The following LYRM4 variants were observed in gnomAD, a reference collection of about 807,000 sequenced individuals.
LYRM4 encodes the protein LYR motif-containing protein 4.
In LYRM4, 9 loss-of-function variants were observed where a neutral mutation model predicts 11.7. The observed-to-expected ratio is 0.77, with a 90% CI of 0.46 to 1.34. The LOEUF (loss-of-function observed/expected upper bound fraction) is 1.34. LYRM4 is among the 40% of genes most tolerant of loss of function. The pLI, the probability that LYRM4 is intolerant of heterozygous loss-of-function variation, is 0.00. For missense variants in LYRM4, 133 were observed against 112.5 expected, an observed-to-expected ratio of 1.18 and a Z score of -0.82; for synonymous variants, 42 against 40.4, an observed-to-expected ratio of 1.04 and a Z score of -0.15.
At chr6:5,156,613 A>G (rs1758426983) in intron 2 of LYRM4, among the ~76,000 whole-genome samples, 1 of 152,212 alleles carries the variant, frequency 6.6e-6, no homozygotes, top group Non-Finnish European at 1.5e-5. Flanking sequence ...TGACCTGCGG[A>G]GGCTCCTTGC....
intron 2 of LYRM4, among the ~76,000 whole-genome samples, chr6:5,113,972 C>A (rs1763005433): frequency 6.6e-6 from 1 of 152,218 alleles, no homozygotes; most frequent in African/African-American, 2.4e-5. Context: ...TGCCCAGCAT[C>A]CATCTCTCCA....
At chr6:5,252,291 C>T (rs1399937068) in intron 1 of LYRM4, among the ~76,000 whole-genome samples, 2 of 152,162 alleles carry the variant, frequency 1.3e-5, no homozygotes, top group Non-Finnish European at 2.9e-5. Context: ...GGGAGCGAGG[C>T]GGCCTTCTAA....
intron 2 of LYRM4, among the ~76,000 whole-genome samples, chr6:5,144,662 C>T (rs574205725): frequency 1.6e-4 from 18 of 114,728 alleles, no homozygotes; most frequent in East Asian, 1.5e-3. Flanking sequence ...AAAAGAAATA[C>T]GTCAGGTGAA....
At chr6:5,092,830 C>T in the LYRM4 span, among the ~76,000 whole-genome samples, 1 of 152,176 alleles carries the variant, frequency 6.6e-6, no homozygotes, top group Non-Finnish European at 1.5e-5. Context: ...GCACAGACTT[C>T]AGGCATTTTT....
intron 1 of LYRM4, among the ~76,000 whole-genome samples, chr6:5,245,155 T>C (rs1379771573): frequency 1.2e-5 from 1 of 80,288 alleles, no homozygotes; most frequent in East Asian, 3.8e-4. Flanking sequence ...TATATATATA[T>C]ATATATATAA....
At chr6:5,042,174 A>C in the LYRM4 span, among the ~76,000 whole-genome samples, 1 of 152,214 alleles carries the variant, frequency 6.6e-6, no homozygotes, top group Non-Finnish European at 1.5e-5. Flanking sequence ...CTGTTTAAAC[A>C]GGAACTATTG....
chr6:5,107,494 G>C (rs1436493223), downstream of LYRM4: 1 of 152,292 alleles, frequency 6.6e-6, no homozygotes, highest in Non-Finnish European at 1.5e-5. Flanking sequence ...ATGCAAGGTG[G>C]AAAACCTGAG....
the LYRM4 span, among the ~76,000 whole-genome samples, chr6:5,074,445 T>A: frequency 6.8e-6 from 1 of 146,646 alleles, no homozygotes; most frequent in Non-Finnish European, 1.5e-5. Context: ...TTGGAAGAAG[T>A]TTATTCCAGT....
chr6:5,237,948 T>A (rs1581576658), intron 1 of LYRM4, among the ~76,000 whole-genome samples: 1 of 152,158 alleles, frequency 6.6e-6, no homozygotes, highest in South Asian at 2.1e-4. Flanking sequence ...GCTGCTTCGG[T>A]ATCACAGACA....
chr6:5,112,593 G>A (rs1368339760), intron 2 of LYRM4, among the ~76,000 whole-genome samples: 1 of 152,234 alleles, frequency 6.6e-6, no homozygotes, highest in South Asian at 2.1e-4. Flanking sequence ...CAGGCACCTT[G>A]TGCGGGTGAG....
intron 2 of LYRM4, among the ~76,000 whole-genome samples, chr6:5,116,945 G>C (rs964186826): frequency 4.6e-5 from 7 of 152,230 alleles, no homozygotes; most frequent in African/African-American, 1.7e-4. Flanking sequence ...ATCTCTATCT[G>C]ATGGGGGTCC....
chr6:5,138,975 T>G (rs1182373525), intron 2 of LYRM4, among the ~76,000 whole-genome samples: 1 of 152,344 alleles, frequency 6.6e-6, no homozygotes, highest in Non-Finnish European at 1.5e-5. Context: ...TTGTTGCACA[T>G]AAGCCTAAGA....
intron 2 of LYRM4, among the ~76,000 whole-genome samples, chr6:5,184,759 T>C (rs1459346722): frequency 6.6e-6 from 1 of 152,224 alleles, no homozygotes; most frequent in African/African-American, 2.4e-5. Context: ...CAGGTACTGT[T>C]CTAGGTTCTG....
intron 1 of LYRM4, among the ~76,000 whole-genome samples, chr6:5,228,250 T>A (rs560819702): frequency 6.6e-6 from 1 of 152,112 alleles, no homozygotes; most frequent in African/African-American, 2.4e-5. Flanking sequence ...AATTGGACCT[T>A]GGAGGAAATT....
At chr6:5,105,265 T>TG (rs1762627860), downstream of LYRM4, 2 of 151,524 alleles carry the variant, frequency 1.3e-5, no homozygotes, top group East Asian at 3.9e-4. Context: ...CATCGGCAGG[T>TG]GGGCTGGGGA....
chr6:5,199,315 A>G (rs1761250418), intron 2 of LYRM4, among the ~76,000 whole-genome samples: 1 of 152,238 alleles, frequency 6.6e-6, no homozygotes, highest in Non-Finnish European at 1.5e-5. Flanking sequence ...TATAAATTTC[A>G]TCCACAGAGA....
chr6:5,037,878 A>C, the LYRM4 span, among the ~76,000 whole-genome samples: 2 of 49,732 alleles, frequency 4.0e-5, 1 homozygote, highest in African/African-American at 1.1e-4. Flanking sequence ...CTCACTTCCC[A>C]GTAGGGGCGG....
intron 2 of LYRM4, among the ~76,000 whole-genome samples, chr6:5,171,604 G>A (rs113065393): frequency 7.2e-5 from 11 of 152,214 alleles, no homozygotes; most frequent in Non-Finnish European, 1.5e-4. Context: ...AATTTTTCCC[G>A]TACTCGATAT....
the LYRM4 span, among the ~76,000 whole-genome samples, chr6:5,083,813 T>G: frequency 6.6e-6 from 1 of 152,222 alleles, no homozygotes; most frequent in Admixed American, 6.5e-5. Flanking sequence ...AAGCCCCAAT[T>G]AATTACGTTT....
Sources: allele counts gnomAD v4.1 joint callset (sites outside exome capture counted in the v4.1 genomes callset), GRCh38; gene constraint gnomAD v4.1.1; transcripts MANE v1.5; gene names NCBI Gene and HGNC (gene_info 2026-07-23, HGNC 2026-07-21).